EPHA8: variants seen among roughly 807,000 people sequenced by gnomAD.
EPHA8 encodes EPH receptor A8, also known as ephrin type-A receptor 8.
Under a neutral mutation model 103.6 loss-of-function variants are expected in EPHA8, and 58 were observed. The observed-to-expected ratio is 0.56, with a 90% CI of 0.45 to 0.70. The LOEUF is 0.70. Among genes scored for constraint, EPHA8 ranks in the 30% least tolerant of loss-of-function variants. The pLI, the probability that EPHA8 is intolerant of heterozygous loss-of-function variation, is 0.00. For synonymous variants in EPHA8, 559 were observed against 572.5 expected, an observed-to-expected ratio of 0.98 and a Z score of 0.34; for missense variants, 1,304 against 1,395.2, an observed-to-expected ratio of 0.93 and a Z score of 1.04.
At position 22,601,604 on chromosome 1, in the gene EPHA8, C is replaced by T. The variant is rs112567739; in HGVS notation, c.2904-23C>T. On this transcript the variant is annotated intron_variant, in intron 16 of 16. Coordinates refer to ENST00000166244, the MANE Select transcript of EPHA8 (RefSeq NM_020526.5). ...CTCCCAGCCTCCCAGGCCCAGCTGGCCAGCAGCACCCTTCCTTCACAGGGA... is the reference window on the plus strand; with the variant it reads ...CTCCCAGCCTCCCAGGCCCAGCTGGTCAGCAGCACCCTTCCTTCACAGGGA... The T allele has an allele frequency of 4.0e-3, 6,369 of 1,582,414 alleles. 219 individuals carry two copies. The African/African-American group carries it at 0.077, about 19-fold the overall frequency.
Position 22,602,337 on chromosome 1 carries a change from A to AGGGGCCACTTC in EPHA8, c.*597_*607dup, listed in dbSNP as rs1641763608. 1 of 157,332 alleles carries AGGGGCCACTTC rather than the reference A, an allele frequency of 6.4e-6. No homozygotes were observed. Among genetic ancestry groups the AGGGGCCACTTC allele is most frequent in the Admixed American group, 6.5e-5 (1 of 15,402 alleles). 9.7% of individuals were successfully genotyped at this position (157,332 alleles called of 1,614,324 possible). On this transcript the variant is annotated 3_prime_UTR_variant, in exon 17 of 17. Transcript: ENST00000166244. ...CCCCCCACACCTGGAGGCTGGAGCC[A>AGGGGCCACTTC]GGGGCCACTTCTGAACTGCACCAGC... is the stretch of plus-strand genomic sequence containing the variant.
chr1:22,597,300 C>T lies in EPHA8; in HGVS notation c.1766-12C>T. ...CCTGGGCCCCACTGAAGGCCCTCCTCCCGCCCCTCAGCACCCCCACCTGTC... is the reference window on the plus strand; with the variant it reads ...CCTGGGCCCCACTGAAGGCCCTCCTTCCGCCCCTCAGCACCCCCACCTGTC... On this transcript the variant is annotated splice_polypyrimidine_tract_variant and intron_variant, in intron 9 of 16. Transcript: ENST00000166244. This position sits in a 1 kb window ranked among gnomAD's most constrained non-coding sequence, Gnocchi z 4.6. 1 of 1,569,064 alleles carries T rather than the reference C, an allele frequency of 6.4e-7. No individual in the cohort carries two copies. The highest frequency in any genetic ancestry group is 8.7e-7 in the Non-Finnish European group (1 of 1,143,984).
At chr1:22,595,387 C>T in intron 8 of EPHA8, 64 bp downstream of exon 8, 6 of 1,409,224 alleles carry the variant, frequency 4.3e-6, no homozygotes, top group Non-Finnish European at 5.9e-6. Context: ...CTGCCTGCCC[C>T]CAGCCCCACC....
chr1:22,585,971 C>T (rs2148248277), intron 3 of EPHA8, among the ~76,000 whole-genome samples: 1 of 152,262 alleles, frequency 6.6e-6, no homozygotes, highest in South Asian at 2.1e-4. Context: ...AGGTGTCCCC[C>T]CCCTTTCTAG....
At chr1:22,578,463 TGTGTGTGCATGTGCATGA>T (rs1640866033) in intron 3 of EPHA8, among the ~76,000 whole-genome samples, 8 of 150,608 alleles carry the variant, frequency 5.3e-5, no homozygotes, top group African/African-American at 1.5e-4. Context: ...AGTGTATGCA[TGTGTGTGCATGTGCATGA>T]GTGTGTGCAT....
In EPHA8 at chr1:22,598,057, C is replaced by A; in HGVS notation, c.2117-94C>A. On this transcript the variant is annotated intron_variant, in intron 11 of 16. Transcript: ENST00000166244. The surrounding 1 kb of genome is among the most constrained non-coding windows in gnomAD (Gnocchi z 5.1). ...GGCACCCTGGGGTTTCCAGTGCTGG[C>A]ACAGGTCCTGAGATGGTGGTATGCT... is the stretch of plus-strand genomic sequence containing the variant. The A allele has an allele frequency of 6.8e-7, 1 of 1,480,056 alleles. No homozygotes were observed. Among genetic ancestry groups the A allele is most frequent in the Non-Finnish European group, 9.4e-7 (1 of 1,063,842 alleles). 91.7% of individuals were successfully genotyped at this position (1,480,056 alleles called of 1,614,324 possible).
chr1:22,564,418 G>A (rs1640296394), intron 1 of EPHA8, among the ~76,000 whole-genome samples: 1 of 151,630 alleles, frequency 6.6e-6, no homozygotes, highest in Non-Finnish European at 1.5e-5. Flanking sequence ...CAGCGGGAGC[G>A]GCTTGGGGAG....
chr1:22,579,139 G>A (rs1054157155), intron 3 of EPHA8, among the ~76,000 whole-genome samples: 1 of 151,150 alleles, frequency 6.6e-6, no homozygotes, highest in South Asian at 2.1e-4. Flanking sequence ...GCATGTGTGT[G>A]TGCATATGTG....
intron 3 of EPHA8, among the ~76,000 whole-genome samples, chr1:22,581,935 C>T (rs527623246): frequency 6.6e-6 from 1 of 152,304 alleles, no homozygotes; most frequent in East Asian, 1.9e-4. Context: ...AAGGTCAGCA[C>T]GGGTCTCAAA....
chr1:22,577,215 C>T (rs931345824), intron 3 of EPHA8, among the ~76,000 whole-genome samples: 1 of 152,104 alleles, frequency 6.6e-6, no homozygotes, highest in Non-Finnish European at 1.5e-5. Context: ...GGAGTGATAC[C>T]ATGGGCTAAC....
intron 4 of EPHA8, among the ~76,000 whole-genome samples, 164 bp downstream of exon 4, chr1:22,586,799 C>T (rs938959891): frequency 1.3e-5 from 2 of 151,628 alleles, no homozygotes; most frequent in African/African-American, 2.4e-5. Flanking sequence ...TGACTCTGAT[C>T]CCTCCACGGT....
In EPHA8 at chr1:22,598,141, G is replaced by T. The variant is rs1264925255; in HGVS notation, c.2117-10G>T. 1 of 1,613,294 alleles carries T rather than the reference G, an allele frequency of 6.2e-7. No homozygotes were observed. Among genetic ancestry groups the T allele is most frequent in the Non-Finnish European group, 8.5e-7 (1 of 1,179,936 alleles). On this transcript the variant is annotated splice_polypyrimidine_tract_variant and intron_variant, in intron 11 of 16. Coordinates refer to ENST00000166244, the MANE Select transcript of EPHA8 (RefSeq NM_020526.5). The surrounding 1 kb of genome is among the most constrained non-coding windows in gnomAD (Gnocchi z 5.1). ...AACCAAGAGCCACCCTCTCCCTACT[G>T]CCCGCCCAGGCCGCCTGGCAATGAT...
rs1162963642 is a variant in EPHA8 at position 22,563,937 on chromosome 1, G to A, written c.94+208G>A. ...GGGAACCCGCGAGCTTGAGGAAGAC[G>A]GACAGGTACCGGGGACTGGGGGACA... On this transcript the variant is annotated intron_variant, in intron 1 of 16. Coordinates refer to ENST00000166244, the MANE Select transcript of EPHA8 (RefSeq NM_020526.5). The surrounding 1 kb of genome is among the most constrained non-coding windows in gnomAD (Gnocchi z 4.4). Among the ~76,000 whole-genome samples the A allele has an allele frequency of 1.3e-5, 2 of 152,024 alleles. No homozygotes were observed. The highest frequency in any genetic ancestry group is 6.5e-5 in the Admixed American group (1 of 15,274).
intron 2 of EPHA8, among the ~76,000 whole-genome samples, chr1:22,571,217 C>T (rs2124513053): frequency 6.6e-6 from 1 of 152,320 alleles, no homozygotes; most frequent in Non-Finnish European, 1.5e-5. Flanking sequence ...CGCTATAATG[C>T]ATAGCTCAGC....
In EPHA8 at chr1:22,589,928, C is replaced by T. The variant is rs183731345; in HGVS notation, c.1315+722C>T. Among the ~76,000 whole-genome samples, 1 of 152,286 alleles carries T rather than the reference C, an allele frequency of 6.6e-6. No individual in the cohort carries two copies. The highest frequency in any genetic ancestry group is 6.5e-5 in the Admixed American group (1 of 15,300). ...GCCCTGGCCTCGCAGACAATATGCC[C>T]ACCACGTCACAGAGGAAGAAACTGA... On this transcript the variant is annotated intron_variant, in intron 5 of 16. Transcript: ENST00000166244. The surrounding 1 kb of genome is among the most constrained non-coding windows in gnomAD (Gnocchi z 4.3).
chr1:22,589,348 AC>A lies in EPHA8; in HGVS notation c.1315+145del. On this transcript the variant is annotated intron_variant, in intron 5 of 16. Coordinates refer to ENST00000166244, the MANE Select transcript of EPHA8 (RefSeq NM_020526.5). This position sits in a 1 kb window ranked among gnomAD's most constrained non-coding sequence, Gnocchi z 4.3. Reference sequence around the variant, plus strand: ...CTCTGGCCCTGCGCTCCTCACCAGGACCCAGAGCTGGAGGCTCTTCATTGCC... The same window carrying A: ...CTCTGGCCCTGCGCTCCTCACCAGGACCAGAGCTGGAGGCTCTTCATTGCC... 6.3e-7 allele frequency: 1 copy of A among 1,590,886 alleles called. No individual in the cohort carries two copies.
At chr1:22,582,346 C>T (rs1264389438) in intron 3 of EPHA8, among the ~76,000 whole-genome samples, 2 of 152,212 alleles carry the variant, frequency 1.3e-5, no homozygotes, top group Non-Finnish European at 2.9e-5. Context: ...CTGAGACCCA[C>T]AGCAGGGGCC....
intron 3 of EPHA8, among the ~76,000 whole-genome samples, chr1:22,578,075 ATGCATGTGTG>A (rs1479890954): frequency 2.0e-4 from 2 of 10,182 alleles, no homozygotes; most frequent in Non-Finnish European, 4.4e-4. Context: ...ATGAGTATGT[ATGCATGTGTG>A]TGCATGTAGC....
At position 22,597,674 on chromosome 1, in the gene EPHA8, A is replaced by G; in HGVS notation, c.1931-2A>G. 6.2e-7 allele frequency: 1 copy of G among 1,603,510 alleles called. No individual in the cohort carries two copies. Among genetic ancestry groups the G allele is most frequent in the Non-Finnish European group, 8.5e-7 (1 of 1,174,428 alleles). On this transcript the variant is annotated splice_acceptor_variant, in intron 10 of 16. Coordinates refer to ENST00000166244, the MANE Select transcript of EPHA8 (RefSeq NM_020526.5). LOFTEE classifies it high-confidence loss of function. This position sits in a 1 kb window ranked among gnomAD's most constrained non-coding sequence, Gnocchi z 4.6. ...CACACCTGCCCCTCTCGGGGCCTGC[A>G]GGAGACTCCGGGGAAGTCTGCTACG...
Sources: gnomAD v4.1 joint callset for allele counts (sites outside exome capture counted in the v4.1 genomes callset) on GRCh38, gnomAD v4.1.1 for gene constraint, Gnocchi (gnomAD v3.1) non-coding constraint, MANE v1.5 for transcripts, NCBI Gene and HGNC (gene_info 2026-07-23, HGNC 2026-07-21) for gene names.